The following EPHA8 variants were observed in gnomAD, a reference collection of about 807,000 sequenced individuals.
EPHA8 encodes the protein EPH receptor A8, also known as ephrin type-A receptor 8.
EPHA8 carries 58 observed loss-of-function variants against 103.6 expected under a neutral mutation model. That is an observed-to-expected ratio of 0.56 (90% CI 0.45 to 0.70). EPHA8 has a LOEUF of 0.70. Ranked by LOEUF, EPHA8 falls within the 30% of genes least tolerant of loss-of-function variation. EPHA8 has a pLI of 0.00. For synonymous variants in EPHA8, 559 were observed against 572.5 expected (o/e 0.98, Z 0.34); for missense variants, 1,304 against 1,395.2 (o/e 0.93, Z 1.04).
chr1:22,601,937 C>T lies in EPHA8; in HGVS notation c.*196C>T. 1.6e-6 allele frequency: 1 copy of T among 620,242 alleles called. No homozygotes were observed. The highest frequency in any genetic ancestry group is 2.8e-6 in the Non-Finnish European group (1 of 361,006). 38.4% of individuals were successfully genotyped at this position (620,242 alleles called of 1,614,324 possible). ...CGCCTGGGAAGGGGCCTTTGGTGGCCACCCTGGTGAGGACACCTGTCCCCC... is the reference window on the plus strand; with the variant it reads ...CGCCTGGGAAGGGGCCTTTGGTGGCTACCCTGGTGAGGACACCTGTCCCCC... On this transcript the variant is annotated 3_prime_UTR_variant, in exon 17 of 17. Transcript: ENST00000166244.
intron 2 of EPHA8, among the ~76,000 whole-genome samples, chr1:22,570,163 T>C (rs1016891579): frequency 6.6e-6 from 1 of 152,218 alleles, no homozygotes; most frequent in Admixed American, 6.5e-5. Context: ...ATAATGATCA[T>C]TAACATTGTT....
In EPHA8 at chr1:22,601,797, G is replaced by A; in HGVS notation, c.*56G>A. 6.7e-7 allele frequency: 1 copy of A among 1,498,010 alleles called. No homozygotes were observed. Among genetic ancestry groups the A allele is most frequent in the Non-Finnish European group, 9.0e-7 (1 of 1,105,982 alleles). 92.8% of individuals were successfully genotyped at this position (1,498,010 alleles called of 1,614,324 possible). ...AAGCCCACCCCAGGTCATGCCAGCG[G>A]CAGAGGACGTGAGGGGCTGGCAGCA... On this transcript the variant is annotated 3_prime_UTR_variant, in exon 17 of 17. Transcript: ENST00000166244.
chr1:22,602,025 A>T lies in EPHA8; in HGVS notation c.*284A>T, dbSNP rs1641753585. 1.9e-6 allele frequency: 1 copy of T among 539,538 alleles called. No homozygotes were observed. Among genetic ancestry groups the T allele is most frequent in the South Asian group, 2.4e-5 (1 of 41,170 alleles). The allele number at this position is 539,538 out of a possible 1,614,324, so 33.4% of individuals were successfully genotyped here. On this transcript the variant is annotated 3_prime_UTR_variant, in exon 17 of 17. Coordinates refer to ENST00000166244, the MANE Select transcript of EPHA8 (RefSeq NM_020526.5). ...CCACGTCACAGAGTCCAACAGGGAC[A>T]TCACTCGCCTGCCTCTGTGTGCGTG...
rs3767565 is a variant in EPHA8, at chr1:22,567,050, G to A, written c.95-2239G>A. Among the ~76,000 whole-genome samples the A allele has an allele frequency of 0.082, 12,452 of 152,222 alleles. 815 individuals carry two copies. Among genetic ancestry groups the A allele is most frequent in the African/African-American group, 0.17 (7,217 of 41,528 alleles). On this transcript the variant is annotated intron_variant, in intron 1 of 16. Transcript: ENST00000166244. The surrounding 1 kb of genome is among the most constrained non-coding windows in gnomAD (Gnocchi z 4.2). The stretch of plus-strand genomic sequence containing the variant: ...TTGATCAAGAATCAGCTGCAGATAC[G>A]GTGGGGCTTCCCCCAGGAGGGCAGG...
In EPHA8 at chr1:22,597,226, A is replaced by T; in HGVS notation, c.1766-86A>T. 8.8e-7 allele frequency: 1 copy of T among 1,136,688 alleles called. No individual in the cohort carries two copies. The allele number at this position is 1,136,688 out of a possible 1,614,324, so 70.4% of individuals were successfully genotyped here. The stretch of plus-strand genomic sequence containing the variant: ...GACTCCCAGAGACACCCCTCACCCC[A>T]CCCCAGACCCATCCCAGGCCCAGGG... On this transcript the variant is annotated intron_variant, in intron 9 of 16. Transcript: ENST00000166244. The surrounding 1 kb of genome is among the most constrained non-coding windows in gnomAD (Gnocchi z 4.6).
chr1:22,582,408 A>T (rs1016248216), intron 3 of EPHA8, among the ~76,000 whole-genome samples: 1 of 152,142 alleles, frequency 6.6e-6, no homozygotes, highest in Non-Finnish European at 1.5e-5. Context: ...CCTTAGAGGT[A>T]CCCTCAGAAG....
intron 1 of EPHA8, among the ~76,000 whole-genome samples, chr1:22,568,126 G>T (rs1640419826): frequency 1.3e-5 from 2 of 152,218 alleles, no homozygotes; most frequent in South Asian, 4.1e-4. Flanking sequence ...ACTAGTGTTG[G>T]TAAGGACCAG....
chr1:22,577,777 TGTGC>T (rs1043465999), intron 3 of EPHA8, among the ~76,000 whole-genome samples: 20 of 150,048 alleles, frequency 1.3e-4, no homozygotes, highest in Admixed American at 1.1e-3. Context: ...TGAGTGTGTG[TGTGC>T]ATGTGTGCGT....
intron 3 of EPHA8, among the ~76,000 whole-genome samples, chr1:22,580,787 AGT>A (rs1482511148): frequency 6.6e-6 from 1 of 152,228 alleles, no homozygotes; most frequent in Non-Finnish European, 1.5e-5. Context: ...TGTAAGAGGT[AGT>A]GTTACCTGCT....
At chr1:22,587,425 G>A (rs1397083660) in intron 4 of EPHA8, among the ~76,000 whole-genome samples, 2 of 152,210 alleles carry the variant, frequency 1.3e-5, no homozygotes, top group African/African-American at 4.8e-5. Flanking sequence ...GGCCCTGCAA[G>A]GGTGCATGTG....
intron 3 of EPHA8, among the ~76,000 whole-genome samples, chr1:22,578,766 T>G (rs1460777226): frequency 6.6e-6 from 1 of 151,236 alleles, no homozygotes; most frequent in Non-Finnish European, 1.5e-5. Context: ...TGTGTGTGAA[T>G]GTATGTGTAC....
At chr1:22,578,558 C>G (rs1197715274) in intron 3 of EPHA8, among the ~76,000 whole-genome samples, 2 of 110,194 alleles carry the variant, frequency 1.8e-5, no homozygotes, top group Non-Finnish European at 3.7e-5. Context: ...TGAGTGTGCA[C>G]ATTTGTTAGT....
chr1:22,570,180 G>A (rs999705809), intron 2 of EPHA8, among the ~76,000 whole-genome samples: 1 of 152,162 alleles, frequency 6.6e-6, no homozygotes, highest in Non-Finnish European at 1.5e-5. Flanking sequence ...TGTTACTCAC[G>A]TGTGTTCTCT....
chr1:22,594,057 A>G (rs1415287214), intron 7 of EPHA8, among the ~76,000 whole-genome samples: 2 of 152,010 alleles, frequency 1.3e-5, no homozygotes, highest in African/African-American at 4.8e-5. Context: ...GGTCTCGAAC[A>G]CCTGACCTTG....
chr1:22,573,235 T>A (rs1640592398), intron 2 of EPHA8, among the ~76,000 whole-genome samples: 2 of 152,154 alleles, frequency 1.3e-5, no homozygotes, highest in African/African-American at 4.8e-5. Flanking sequence ...GCATGGTCCC[T>A]GGAGGCAGGC....
chr1:22,599,340 C>G (rs1208609071), intron 13 of EPHA8, among the ~76,000 whole-genome samples: 1 of 152,144 alleles, frequency 6.6e-6, no homozygotes. Flanking sequence ...CGAATTGTAC[C>G]CAGACTCCAC....
chr1:22,591,991 C>T (rs1268856891), intron 5 of EPHA8, among the ~76,000 whole-genome samples: 1 of 152,178 alleles, frequency 6.6e-6, no homozygotes, highest in South Asian at 2.1e-4. Flanking sequence ...GGGACAGAAG[C>T]TCCTAGAGGG....
chr1:22,587,979 C>T (rs935284642), intron 4 of EPHA8, among the ~76,000 whole-genome samples: 2 of 152,170 alleles, frequency 1.3e-5, no homozygotes, highest in Non-Finnish European at 2.9e-5. Flanking sequence ...TGGACACTTG[C>T]GTGAAGCTGG....
In EPHA8 at chr1:22,571,910, G is replaced by A. The variant is rs553322221; in HGVS notation, c.159+2557G>A. On this transcript the variant is annotated intron_variant, in intron 2 of 16. Transcript: ENST00000166244. ...AAATTAGCTGAGAGTGGTGGTGCAC[G>A]CTTGTGGTCCCCGCTACTCAGGAGG... is the stretch of plus-strand genomic sequence containing the variant. 2.4e-4 allele frequency among the ~76,000 whole-genome samples: 37 copies of A among 152,254 alleles called. 1 individual carries two copies. The highest frequency in any genetic ancestry group is 8.9e-4 in the African/African-American group (37 of 41,538).
Sources: gnomAD v4.1 joint callset for allele counts (sites outside exome capture counted in the v4.1 genomes callset) on GRCh38, gnomAD v4.1.1 for gene constraint, Gnocchi (gnomAD v3.1) non-coding constraint, MANE v1.5 for transcripts, NCBI Gene and HGNC (gene_info 2026-07-23, HGNC 2026-07-21) for gene names.